Variants in KATNIP observed in about 807,000 individuals in gnomAD.
KATNIP encodes the protein katanin-interacting protein.
KATNIP carries 126 observed loss-of-function variants against 174.0 expected under a neutral mutation model. That is an observed-to-expected ratio of 0.72 (90% CI 0.63 to 0.84). The LOEUF (loss-of-function observed/expected upper bound fraction) is 0.84. Among genes scored for constraint, KATNIP ranks in the 40% least tolerant of loss-of-function variants. The pLI is 0.00. For missense variants in KATNIP, 1,958 were observed against 2,109.7 expected (o/e 0.93, Z 1.41); for synonymous variants, 810 against 835.7 (o/e 0.97, Z 0.53).
At chr16:27,582,615 T>C (rs1596796158) in intron 2 of KATNIP, among the ~76,000 whole-genome samples, 1 of 152,312 alleles carries the variant, frequency 6.6e-6, no homozygotes, top group South Asian at 2.1e-4. Context: ...GCAGAGGAAT[T>C]GAGCTTGCGA....
intron 5 of KATNIP, among the ~76,000 whole-genome samples, chr16:27,647,609 G>A (rs928437670): frequency 1.3e-5 from 2 of 151,450 alleles, no homozygotes; most frequent in African/African-American, 4.9e-5. Context: ...GGGTTCAAGC[G>A]ATTCTCCTGC....
chr16:27,704,906 CT>C (rs560766968), intron 12 of KATNIP, among the ~76,000 whole-genome samples: 1,106 of 127,584 alleles, frequency 8.7e-3, no homozygotes, highest in African/African-American at 0.012. Flanking sequence ...TCTTTTTTTT[CT>C]TTTTTTTTTT....
chr16:27,665,279 A>AT (rs1220588579), intron 6 of KATNIP, among the ~76,000 whole-genome samples: 2 of 151,352 alleles, frequency 1.3e-5, no homozygotes, highest in African/African-American at 4.9e-5. Flanking sequence ...AATTTTTTGT[A>AT]TTTTTAGTAG....
intron 8 of KATNIP, among the ~76,000 whole-genome samples, chr16:27,688,187 C>T (rs918745691): frequency 2.0e-5 from 3 of 152,164 alleles, no homozygotes; most frequent in Non-Finnish European, 2.9e-5. Context: ...GTAATCCTAG[C>T]GCTTTGGGAG....
intron 3 of KATNIP, among the ~76,000 whole-genome samples, chr16:27,622,655 T>C (rs2076230058): frequency 6.6e-6 from 1 of 152,128 alleles, no homozygotes; most frequent in Non-Finnish European, 1.5e-5. Context: ...AGAAAGGTCA[T>C]TCAAGGGAAA....
intron 14 of KATNIP, among the ~76,000 whole-genome samples, chr16:27,731,182 G>A (rs2080665635): frequency 6.6e-6 from 1 of 152,088 alleles, no homozygotes; most frequent in African/African-American, 2.4e-5. Context: ...AAAGTTGCAA[G>A]AATTGCATGC....
rs540597976 is a variant in KATNIP at position 27,664,380 on chromosome 16, A to G, written c.541-13349A>G. The stretch of plus-strand genomic sequence containing the variant: ...CTTTTTGGTACAAAGTTCTCAATAT[A>G]TCTGTTAAATCACACACGATTAGTT... On this transcript the variant is annotated intron_variant, in intron 6 of 27. Coordinates refer to ENST00000261588, the MANE Select transcript of KATNIP (RefSeq NM_015202.5). 2.0e-5 allele frequency among the ~76,000 whole-genome samples: 3 copies of G among 152,324 alleles called. No homozygotes were observed. The South Asian group carries it at 6.2e-4, about 32-fold the overall frequency.
intron 1 of KATNIP, among the ~76,000 whole-genome samples, chr16:27,571,061 C>G (rs189355822): frequency 2.9e-4 from 44 of 152,296 alleles, no homozygotes; most frequent in Admixed American, 2.0e-3. Context: ...GAGACAGAGT[C>G]TCACTCCTTT....
At chr16:27,757,831 G>A (rs762503363) in intron 18 of KATNIP, among the ~76,000 whole-genome samples, 5 of 152,148 alleles carry the variant, frequency 3.3e-5, no homozygotes, top group African/African-American at 4.8e-5. Context: ...GGAATGTGTC[G>A]GGGTTGGTAA....
chr16:27,570,869 G>A (rs531017218), intron 1 of KATNIP, among the ~76,000 whole-genome samples: 2 of 152,212 alleles, frequency 1.3e-5, no homozygotes, highest in Non-Finnish European at 2.9e-5. Context: ...AGTATATACG[G>A]TGAGAAAGGG....
At chr16:27,552,027 A>C (rs2089400401) in intron 1 of KATNIP, among the ~76,000 whole-genome samples, 1 of 152,192 alleles carries the variant, frequency 6.6e-6, no homozygotes, top group Non-Finnish European at 1.5e-5. Context: ...ACATAGCTAG[A>C]CCCTGTCTCA....
intron 14 of KATNIP, among the ~76,000 whole-genome samples, chr16:27,723,376 C>G (rs1247724458): frequency 6.6e-6 from 1 of 151,792 alleles, no homozygotes; most frequent in Admixed American, 6.6e-5. Flanking sequence ...TTATCCCTGT[C>G]CCCCCTCCAC....
At chr16:27,697,051 T>C (rs2078938781) in intron 8 of KATNIP, among the ~76,000 whole-genome samples, 2 of 152,216 alleles carry the variant, frequency 1.3e-5, no homozygotes, top group African/African-American at 4.8e-5. Flanking sequence ...TTATCCAGTC[T>C]ACTGTTGATG....
At chr16:27,692,539 C>T (rs113223173) in intron 8 of KATNIP, among the ~76,000 whole-genome samples, 20 of 152,244 alleles carry the variant, frequency 1.3e-4, no homozygotes, top group African/African-American at 4.8e-4. Flanking sequence ...CCTTGCCCCC[C>T]ATTCCAGCCC....
At chr16:27,651,038 C>T (rs2077105603) in intron 6 of KATNIP, among the ~76,000 whole-genome samples, 1 of 152,160 alleles carries the variant, frequency 6.6e-6, no homozygotes, top group Non-Finnish European at 1.5e-5. Flanking sequence ...CAGTCCCAGC[C>T]CCAGATATGT....
intron 6 of KATNIP, among the ~76,000 whole-genome samples, chr16:27,660,624 C>CTCATATCAG (rs954091197): frequency 7.1e-6 from 1 of 141,198 alleles, no homozygotes; most frequent in Non-Finnish European, 1.5e-5. Flanking sequence ...GGAGCTCTGG[C>CTCATATCAG]TCATATCAGT....
intron 8 of KATNIP, among the ~76,000 whole-genome samples, chr16:27,689,802 G>C (rs1385524101): frequency 6.6e-6 from 1 of 152,092 alleles, no homozygotes; most frequent in Non-Finnish European, 1.5e-5. Flanking sequence ...CAGGTGGCTG[G>C]GCCAGATGGT....
chr16:27,753,181 G>A (rs2081583658), intron 17 of KATNIP, among the ~76,000 whole-genome samples: 1 of 152,086 alleles, frequency 6.6e-6, no homozygotes, highest in Non-Finnish European at 1.5e-5. Context: ...AGAGGGGCAA[G>A]CCCATTGTTG....
At chr16:27,569,128 A>G (rs2090193079) in intron 1 of KATNIP, among the ~76,000 whole-genome samples, 1 of 152,236 alleles carries the variant, frequency 6.6e-6, no homozygotes, top group Non-Finnish European at 1.5e-5. Flanking sequence ...TTAAAAAGCT[A>G]TGTCCTGTAG....
Sources: gnomAD v4.1 joint callset for allele counts (sites outside exome capture counted in the v4.1 genomes callset) on GRCh38, gnomAD v4.1.1 for gene constraint, MANE v1.5 for transcripts, NCBI Gene and HGNC (gene_info 2026-07-23, HGNC 2026-07-21) for gene names.